Variants in MACROD2 observed in about 807,000 individuals in gnomAD.
MACROD2 encodes the protein mono-ADP ribosylhydrolase 2.
A neutral mutation model predicts 70.4 loss-of-function variants in MACROD2; 36 were observed. That is an observed-to-expected ratio of 0.51 (90% CI 0.39 to 0.68). The LOEUF is 0.68. Among genes scored for constraint, MACROD2 ranks in the 30% least tolerant of loss-of-function variants. The probability of loss-of-function intolerance (pLI) is 0.00; values close to 1 mark genes in which losing one functional copy is unlikely to be tolerated. For missense variants in MACROD2, 496 were observed against 538.4 expected, an observed-to-expected ratio of 0.92 and a Z score of 0.78; for synonymous variants, 172 against 178.8, an observed-to-expected ratio of 0.96 and a Z score of 0.30.
chr20:14,473,012 A>T (rs1022471566), intron 3 of MACROD2, among the ~76,000 whole-genome samples: 1 of 152,128 alleles, frequency 6.6e-6, no homozygotes, highest in Non-Finnish European at 1.5e-5. Context: ...TTATTTATTT[A>T]TATTTTTAAA....
intron 5 of MACROD2, among the ~76,000 whole-genome samples, chr20:14,995,363 G>A (rs1295748698): frequency 6.6e-6 from 1 of 151,774 alleles, no homozygotes; most frequent in Non-Finnish European, 1.5e-5. Context: ...ATACTTAATT[G>A]ACAAAAGAAG....
At chr20:14,120,582 T>C (rs1340529232) in intron 3 of MACROD2, among the ~76,000 whole-genome samples, 3 of 151,762 alleles carry the variant, frequency 2.0e-5, no homozygotes, top group Non-Finnish European at 4.4e-5. Context: ...TGTATGTTTA[T>C]TGCAGCACTA....
At chr20:14,412,602 A>C (rs2083761834) in intron 3 of MACROD2, among the ~76,000 whole-genome samples, 1 of 152,192 alleles carries the variant, frequency 6.6e-6, no homozygotes, top group African/African-American at 2.4e-5. Context: ...GAGGAACCTA[A>C]ATATAGTTAC....
At chr20:14,241,589 C>T (rs925626098) in intron 3 of MACROD2, among the ~76,000 whole-genome samples, 1 of 151,826 alleles carries the variant, frequency 6.6e-6, no homozygotes, top group African/African-American at 2.4e-5. Context: ...TAACCATGGC[C>T]ACCACCTTTA....
intron 5 of MACROD2, among the ~76,000 whole-genome samples, chr20:15,206,569 T>C (rs1227694463): frequency 6.6e-6 from 1 of 151,924 alleles, no homozygotes; most frequent in Admixed American, 6.6e-5. Flanking sequence ...TTTTCCCTCA[T>C]GGCCAATCCA....
chr20:15,433,317 A>G (rs545079835), intron 7 of MACROD2, among the ~76,000 whole-genome samples: 4 of 151,982 alleles, frequency 2.6e-5, no homozygotes, highest in Admixed American at 2.0e-4. Flanking sequence ...AAACTCACAC[A>G]AAAAGCTCCT....
chr20:14,975,656 A>T (rs1452070317), intron 5 of MACROD2, among the ~76,000 whole-genome samples: 2 of 152,012 alleles, frequency 1.3e-5, no homozygotes, highest in East Asian at 3.9e-4. Flanking sequence ...TCCATGTGTT[A>T]CAGCATTCGA....
intron 8 of MACROD2, among the ~76,000 whole-genome samples, chr20:15,705,662 C>G (rs2050522288): frequency 6.6e-6 from 1 of 152,126 alleles, no homozygotes; most frequent in Admixed American, 6.5e-5. Context: ...CAAATCTCAG[C>G]CTCCCAAAGT....
chr20:15,863,343 A>T (rs1377258541), intron 9 of MACROD2, among the ~76,000 whole-genome samples: 1 of 152,196 alleles, frequency 6.6e-6, no homozygotes, highest in East Asian at 1.9e-4. Context: ...TGAGAATGGC[A>T]GTCATTCACA....
intron 4 of MACROD2, among the ~76,000 whole-genome samples, chr20:14,632,278 ATAT>A (rs1268588215): frequency 6.6e-6 from 1 of 152,176 alleles, no homozygotes; most frequent in Non-Finnish European, 1.5e-5. Context: ...TTTAATTTAA[ATAT>A]TATATGTCAA....
chr20:14,361,731 G>T (rs1017100730), intron 3 of MACROD2, among the ~76,000 whole-genome samples: 1 of 152,120 alleles, frequency 6.6e-6, no homozygotes, highest in African/African-American at 2.4e-5. Flanking sequence ...GGACTAGGGA[G>T]GTGTCTAAAA....
chr20:14,996,929 T>C (rs2074955018), intron 5 of MACROD2, among the ~76,000 whole-genome samples: 1 of 152,164 alleles, frequency 6.6e-6, no homozygotes, highest in Admixed American at 6.5e-5. Flanking sequence ...AAATTTGAAA[T>C]AAATTTGCCT....
chr20:15,249,196 G>T (rs995522863), intron 6 of MACROD2, among the ~76,000 whole-genome samples: 5 of 152,114 alleles, frequency 3.3e-5, no homozygotes, highest in African/African-American at 1.2e-4. Flanking sequence ...TTGAGTCAGT[G>T]ATCACCCTCA....
At chr20:15,738,688 G>A (rs1448591541) in intron 8 of MACROD2, among the ~76,000 whole-genome samples, 3 of 152,164 alleles carry the variant, frequency 2.0e-5, no homozygotes, top group Non-Finnish European at 4.4e-5. Context: ...CATTGATGAA[G>A]ATGGATAAGG....
At chr20:15,777,667 C>G (rs576583681) in intron 8 of MACROD2, among the ~76,000 whole-genome samples, 2 of 135,314 alleles carry the variant, frequency 1.5e-5, no homozygotes, top group African/African-American at 5.6e-5. Context: ...TCTTTCGAGA[C>G]AGAGTCTCAC....
At chr20:14,456,791 A>C (rs890359238) in intron 3 of MACROD2, among the ~76,000 whole-genome samples, 1 of 137,506 alleles carries the variant, frequency 7.3e-6, no homozygotes, top group Admixed American at 8.5e-5. Flanking sequence ...ATCTCGGCTC[A>C]ATGCAAGCCC....
At chr20:15,668,836 G>C (rs1270294033) in intron 8 of MACROD2, among the ~76,000 whole-genome samples, 1 of 152,112 alleles carries the variant, frequency 6.6e-6, no homozygotes, top group South Asian at 2.1e-4. Flanking sequence ...ACTCCAGTAG[G>C]GTTAGCAAAA....
At chr20:15,490,674 A>G (rs930596453) in intron 7 of MACROD2, among the ~76,000 whole-genome samples, 1 of 152,198 alleles carries the variant, frequency 6.6e-6, no homozygotes, top group Non-Finnish European at 1.5e-5. Flanking sequence ...AAAGTTTGAG[A>G]GAGAAAGTGG....
intron 3 of MACROD2, among the ~76,000 whole-genome samples, chr20:14,483,844 G>C (rs756453695): frequency 1.6e-4 from 25 of 152,182 alleles, no homozygotes; most frequent in Non-Finnish European, 3.5e-4. Context: ...TTCAAGACCT[G>C]TCATGCTTTG....
Sources: allele counts gnomAD v4.1 joint callset (sites outside exome capture counted in the v4.1 genomes callset), GRCh38; gene constraint gnomAD v4.1.1; transcripts MANE v1.5; gene names NCBI Gene and HGNC (gene_info 2026-07-23, HGNC 2026-07-21).